CHD3: variants seen among roughly 807,000 people sequenced by gnomAD.
CHD3 encodes the protein chromodomain helicase DNA binding protein 3.
In CHD3, 52 loss-of-function variants were observed where a neutral mutation model predicts 248.9. The observed-to-expected ratio is 0.21, with a 90% CI of 0.17 to 0.26. The LOEUF is 0.26. Ranked by LOEUF, CHD3 falls within the 10% of genes least tolerant of loss-of-function variation. The pLI is 1.00. For missense variants in CHD3, 1,482 were observed against 2,605.8 expected, an observed-to-expected ratio of 0.57 and a Z score of 9.39; for synonymous variants, 985 against 985.2, an observed-to-expected ratio of 1.00 and a Z score of 0.00.
upstream of CHD3, among the ~76,000 whole-genome samples, chr17:7,885,838 A>T (rs1411424130): frequency 6.6e-6 from 1 of 152,198 alleles, no homozygotes; most frequent in African/African-American, 2.4e-5. Context: ...GCCACAGTCC[A>T]CGCAGACCAC....
At chr17:7,888,120 CAT>C (rs1968255834), upstream of CHD3, among the ~76,000 whole-genome samples, 1 of 152,236 alleles carries the variant, frequency 6.6e-6, no homozygotes, top group Non-Finnish European at 1.5e-5. Flanking sequence ...GCTGCTGGGG[CAT>C]GGCGCCTTCC....
Position 7,889,737 on chromosome 17 carries a change from G to A in CHD3, c.174G>A (p.Lys58=), listed in dbSNP as rs977948154. 6.2e-7 allele frequency: 1 copy of A among 1,613,188 alleles called. No individual in the cohort carries two copies. The highest frequency in any genetic ancestry group is 1.3e-5 in the African/African-American group (1 of 74,906). ...GAAAACGAGGACCCAAGAAGCAGAA[G>A]GAGAACAAGCCAGGAAAACCCCGAA... ...KKRKRGPKKQ[K]ENKPGKPRKR... The change falls in exon 2 of 40, where the codon AAG becomes AAA. Residue 58 remains lysine (K), a synonymous_variant. Transcript: ENST00000330494. This position sits in a 1 kb window ranked among gnomAD's most constrained non-coding sequence, Gnocchi z 4.5.
rs1969355963 is a variant in CHD3 at position 7,894,396 on chromosome 17, C to T, written c.1076-19C>T. 1.9e-6 allele frequency: 3 copies of T among 1,601,012 alleles called. No homozygotes were observed. In the African/African-American group the frequency reaches 4.0e-5, roughly 21 times the overall value. On this transcript the variant is annotated intron_variant, in intron 7 of 39. Transcript: ENST00000330494. ...CCCCCTGCCCTGCTTCCTTATCCCTCCACCGGGGTATATGACAGTCCTGGG... is the reference window on the plus strand; with the variant it reads ...CCCCCTGCCCTGCTTCCTTATCCCTTCACCGGGGTATATGACAGTCCTGGG...
chr17:7,911,561 G>C lies in CHD3; in HGVS notation c.5979G>C (p.Gly1993=). 2 of 1,614,182 alleles carry C rather than the reference G, an allele frequency of 1.2e-6. No homozygotes were observed. The highest frequency in any genetic ancestry group is 1.7e-6 in the Non-Finnish European group (2 of 1,179,996). Residue 1993 remains glycine (G), a synonymous_variant, in exon 40 of 40, where the codon GGG becomes GGC. Coordinates refer to ENST00000330494, the MANE Select transcript of CHD3 (RefSeq NM_001005273.3). This position sits in a 1 kb window ranked among gnomAD's most constrained non-coding sequence, Gnocchi z 5.4. ...DGLDRKEPRA[G]EVICIDD is the part of the protein sequence containing the mutation. The stretch of plus-strand genomic sequence containing the variant: ...TGGATCGGAAGGAGCCCCGAGCCGG[G>C]GAGGTGATCTGTATAGACGACTGAC...
In CHD3 at chr17:7,889,581, C is replaced by T. The variant is rs1201994731; in HGVS notation, c.101-83C>T. 12 of 1,146,452 alleles carry T rather than the reference C, an allele frequency of 1.0e-5. No homozygotes were observed. Among genetic ancestry groups the T allele is most frequent in the African/African-American group, 1.6e-5 (1 of 64,286 alleles). The allele number at this position is 1,146,452 out of a possible 1,614,324, so 71.0% of individuals were successfully genotyped here. A position where few individuals can be genotyped will look rare whatever the true frequency, so the allele number is the denominator to read the frequency against. The stretch of plus-strand genomic sequence containing the variant: ...ATGCTTCCTAGAGAGTGGGAACTGC[C>T]GAGGTGGGGAAGGGGCAAGTTGAGG... On this transcript the variant is annotated intron_variant, in intron 1 of 39. Transcript: ENST00000330494. The surrounding 1 kb of genome is among the most constrained non-coding windows in gnomAD (Gnocchi z 4.5).
intron 10 of CHD3, 108 bp from the exon 11 acceptor site, chr17:7,896,975 A>G (rs1429121127): frequency 1.1e-6 from 1 of 900,730 alleles, no homozygotes; most frequent in African/African-American, 1.7e-5. Flanking sequence ...ATCCTTTTTC[A>G]TAGCTCCCTT....
At chr17:7,898,791 G>C (rs1379323977) in intron 13 of CHD3, among the ~76,000 whole-genome samples, 196 bp downstream of exon 13, 3 of 152,170 alleles carry the variant, frequency 2.0e-5, no homozygotes, top group Non-Finnish European at 4.4e-5. Flanking sequence ...TAGCCCACTG[G>C]TGGCTCTGTC....
rs965266716 is a variant in CHD3 at position 7,905,539 on chromosome 17, T to C, written c.4139-82T>C. The C allele has an allele frequency of 9.7e-6, 10 of 1,034,124 alleles. No individual in the cohort carries two copies. In the Admixed American group the frequency reaches 2.4e-4, roughly 25 times the overall value. 64.1% of individuals were successfully genotyped at this position (1,034,124 alleles called of 1,614,324 possible). On this transcript the variant is annotated intron_variant, in intron 26 of 39. Coordinates refer to ENST00000330494, the MANE Select transcript of CHD3 (RefSeq NM_001005273.3). This position sits in a 1 kb window ranked among gnomAD's most constrained non-coding sequence, Gnocchi z 5.8. ...GACAGGAATGTTCCTGTGTTGTGTA[T>C]CTTGTGGGAATGGGGTGCTAAGGAG...
chr17:7,912,063 TGGGA>T lies in CHD3; in HGVS notation c.*485_*488del, dbSNP rs1205809235. On this transcript the variant is annotated 3_prime_UTR_variant, in exon 40 of 40. Coordinates refer to ENST00000330494, the MANE Select transcript of CHD3 (RefSeq NM_001005273.3). ...TTTAGAGAGGGATGAAAATGAGCCC[TGGGA>T]GGGAGGAAGGGACGAGGAGGGGTGG... 2.2e-5 allele frequency: 6 copies of T among 271,644 alleles called. No homozygotes were observed. Among genetic ancestry groups the T allele is most frequent in the Non-Finnish European group, 4.3e-5 (6 of 138,876 alleles). 16.8% of individuals were successfully genotyped at this position (271,644 alleles called of 1,614,324 possible).
rs759179869 is a variant in CHD3, at chr17:7,907,911, C to T, written c.5044C>T (p.Arg1682Trp). 7.4e-6 allele frequency: 12 copies of T among 1,612,018 alleles called. No individual in the cohort carries two copies. The highest frequency in any genetic ancestry group is 4.0e-5 in the African/African-American group (3 of 74,746). Residue 1682 changes from arginine (R) to tryptophan (W), a missense_variant, in exon 34 of 40, where the codon CGG becomes TGG. This residue lies in a region of CHD3 where 254 missense variants were observed against 266.7 expected (regional missense o/e 0.95). Coordinates refer to ENST00000330494, the MANE Select transcript of CHD3 (RefSeq NM_001005273.3). The surrounding 1 kb of genome is among the most constrained non-coding windows in gnomAD (Gnocchi z 4.3). ...CCTAGCAGAAGATGTAAAAGGTGACCGGGAGCTTCGACCAGGGCCTCGAGA... is the reference window on the plus strand; with the variant it reads ...CCTAGCAGAAGATGTAAAAGGTGACTGGGAGCTTCGACCAGGGCCTCGAGA... Reference protein sequence around the residue: ...LGKREDVKGDRELRPGPRDEP... With the variant: ...LGKREDVKGDWELRPGPRDEP...
chr17:7,893,538 C>A lies in CHD3; in HGVS notation c.762C>A (p.Pro254=), dbSNP rs766735970. Residue 254 remains proline, a synonymous_variant, in exon 5 of 40, where the codon CCC becomes CCA. Coordinates refer to ENST00000330494, the MANE Select transcript of CHD3 (RefSeq NM_001005273.3). ...CTGCTGCTGATATCCAGCCCCCACC[C>A]ATCCGAAGAGCCAAAACCAAAGAGG... ...PPPAADIQPP[P]IRRAKTKEGK... 6.3e-7 allele frequency: 1 copy of A among 1,590,650 alleles called. No individual in the cohort carries two copies. Among genetic ancestry groups the A allele is most frequent in the Non-Finnish European group, 8.6e-7 (1 of 1,166,012 alleles).
Position 7,908,677 on chromosome 17 carries a change from T to C in CHD3, c.5262-20T>C, listed in dbSNP as rs772660598. The C allele has an allele frequency of 5.6e-6, 9 of 1,613,760 alleles. No individual in the cohort carries two copies. In the Admixed American group the frequency reaches 1.5e-4, roughly 27 times the overall value. ...CATTCCTGTTAAATTCCTTGATGGT[T>C]CCTTTTCCTTCATTGGTAGCCATGG... On this transcript the variant is annotated intron_variant, in intron 35 of 39. Coordinates refer to ENST00000330494, the MANE Select transcript of CHD3 (RefSeq NM_001005273.3). The surrounding 1 kb of genome is among the most constrained non-coding windows in gnomAD (Gnocchi z 5.8).
At position 7,900,519 on chromosome 17, in the gene CHD3, C is replaced by T; in HGVS notation, c.2805-39C>T. The T allele has an allele frequency of 1.2e-6, 2 of 1,609,556 alleles. No homozygotes were observed. The highest frequency in any genetic ancestry group is 1.7e-6 in the Non-Finnish European group (2 of 1,176,444). ...TAAGTCTGAGATCAGGGGCAAGGAA[C>T]TTGCCGACCTGTTAATTTTCTTCTC... On this transcript the variant is annotated intron_variant, in intron 17 of 39. Transcript: ENST00000330494. This position sits in a 1 kb window ranked among gnomAD's most constrained non-coding sequence, Gnocchi z 6.5.
chr17:7,897,842 G>A lies in CHD3; in HGVS notation c.1920-129G>A. On this transcript the variant is annotated intron_variant, in intron 11 of 39. Coordinates refer to ENST00000330494, the MANE Select transcript of CHD3 (RefSeq NM_001005273.3). This position sits in a 1 kb window ranked among gnomAD's most constrained non-coding sequence, Gnocchi z 4.8. ...AACTATTCCAATCTCCCTTCCAGCA[G>A]CTCACTGTTGACGGTTGGGTGACAA... is the stretch of plus-strand genomic sequence containing the variant. 1 of 960,974 alleles carries A rather than the reference G, an allele frequency of 1.0e-6. No homozygotes were observed. The highest frequency in any genetic ancestry group is 1.6e-6 in the Non-Finnish European group (1 of 639,020). The allele number at this position is 960,974 out of a possible 1,614,324, so 59.5% of individuals were successfully genotyped here.
At chr17:7,898,150 T>A in intron 12 of CHD3, 48 bp downstream of exon 12, 2 of 1,603,144 alleles carry the variant, frequency 1.2e-6, no homozygotes, top group Non-Finnish European at 1.7e-6. Flanking sequence ...GATGAGGGCA[T>A]GAAAGCCAAA....
chr17:7,904,051 C>A lies in CHD3; in HGVS notation c.3894+60C>A. Reference sequence around the variant, plus strand: ...CAGGCCATCTCCAAAAGGCAGTATCCTTTACTCAGCCTTGAAGTAGGAGGG... The same window carrying A: ...CAGGCCATCTCCAAAAGGCAGTATCATTTACTCAGCCTTGAAGTAGGAGGG... On this transcript the variant is annotated intron_variant, in intron 24 of 39. Coordinates refer to ENST00000330494, the MANE Select transcript of CHD3 (RefSeq NM_001005273.3). The surrounding 1 kb of genome is among the most constrained non-coding windows in gnomAD (Gnocchi z 4.4). The A allele has an allele frequency of 1.3e-6, 2 of 1,561,456 alleles. No individual in the cohort carries two copies. Among genetic ancestry groups the A allele is most frequent in the Admixed American group, 1.7e-5 (1 of 57,930 alleles).
chr17:7,911,183 A>G lies in CHD3; in HGVS notation c.5881+210A>G, dbSNP rs1390802722. On this transcript the variant is annotated intron_variant, in intron 39 of 39. Coordinates refer to ENST00000330494, the MANE Select transcript of CHD3 (RefSeq NM_001005273.3). This position sits in a 1 kb window ranked among gnomAD's most constrained non-coding sequence, Gnocchi z 5.4. ...CTTTATTAAAAACCAGAGTTTTAGT[A>G]GATCTGTGGCTTGGTGTCTTCTACC... Among the ~76,000 whole-genome samples, 1 of 152,188 alleles carries G rather than the reference A, an allele frequency of 6.6e-6. No homozygotes were observed. The highest frequency in any genetic ancestry group is 1.5e-5 in the Non-Finnish European group (1 of 68,036).
At position 7,907,256 on chromosome 17, in the gene CHD3, C is replaced by T. The variant is rs1056403055; in HGVS notation, c.4788+9C>T. ...AGAAGATGGAGACAGAGGTGTGTGGCTCCCTGGATTCCCCTGTGGAGCGGG... is the reference window on the plus strand; with the variant it reads ...AGAAGATGGAGACAGAGGTGTGTGGTTCCCTGGATTCCCCTGTGGAGCGGG... On this transcript the variant is annotated intron_variant, in intron 31 of 39. Transcript: ENST00000330494. This position sits in a 1 kb window ranked among gnomAD's most constrained non-coding sequence, Gnocchi z 4.3. 1.1e-5 allele frequency: 18 copies of T among 1,614,074 alleles called. No homozygotes were observed. Among genetic ancestry groups the T allele is most frequent in the Non-Finnish European group, 1.5e-5 (18 of 1,180,034 alleles).
rs1567845608 is a variant in CHD3 at position 7,895,285 on chromosome 17, A to G, written c.1504-54A>G. The G allele has an allele frequency of 3.7e-6, 6 of 1,600,836 alleles. No individual in the cohort carries two copies. Among genetic ancestry groups the G allele is most frequent in the African/African-American group, 2.7e-5 (2 of 74,632 alleles). ...GGGACCCCTATCTTCTCATCTAACA[A>G]TGGGTTCTTTCTGCCTCTTTCTTTC... is the stretch of plus-strand genomic sequence containing the variant. On this transcript the variant is annotated intron_variant, in intron 9 of 39. Transcript: ENST00000330494. The surrounding 1 kb of genome is among the most constrained non-coding windows in gnomAD (Gnocchi z 4.9).
Sources: gnomAD v4.1 joint callset for allele counts (sites outside exome capture counted in the v4.1 genomes callset) on GRCh38, gnomAD v4.1.1 for gene constraint, gnomAD v4.1.1 regional missense constraint, Gnocchi (gnomAD v3.1) non-coding constraint, MANE v1.5 for transcripts, NCBI Gene and HGNC (gene_info 2026-07-23, HGNC 2026-07-21) for gene names.